Variants in MALRD1 observed in about 807,000 individuals in gnomAD.
The protein encoded by MALRD1 is MAM and LDL-receptor class A domain-containing protein 1.
MALRD1 carries 247 observed loss-of-function variants against 242.1 expected under a neutral mutation model. That is an observed-to-expected ratio of 1.02 (90% confidence interval 0.92 to 1.13). The LOEUF (loss-of-function observed/expected upper bound fraction) is 1.13. Ranked by LOEUF, MALRD1 falls within the 50% of genes most tolerant of loss-of-function variation. MALRD1 has a pLI of 0.00. For missense variants in MALRD1, 2,989 were observed against 2,533.1 expected (o/e 1.18, Z -3.86); for synonymous variants, 995 against 866.6 (o/e 1.15, Z -2.60).
intron 21 of MALRD1, among the ~76,000 whole-genome samples, chr10:19,292,080 CAAAAAAAAAA>C (rs756211363): frequency 2.5e-4 from 22 of 88,014 alleles, no homozygotes; most frequent in Admixed American, 8.2e-4. Flanking sequence ...AAGACCGTCT[CAAAAAAAAAA>C]AAAAAAAAAA....
intron 5 of MALRD1, among the ~76,000 whole-genome samples, chr10:19,119,440 G>A (rs1306441028): frequency 6.6e-6 from 1 of 152,162 alleles, no homozygotes; most frequent in Admixed American, 6.5e-5. Context: ...AGGGATCAGA[G>A]TTTTTAAGGA....
chr10:19,297,017 C>T (rs940822351), intron 21 of MALRD1, among the ~76,000 whole-genome samples: 1 of 151,202 alleles, frequency 6.6e-6, no homozygotes, highest in Non-Finnish European at 1.5e-5. Flanking sequence ...TCTATAATGC[C>T]TTTTGTGATC....
intron 36 of MALRD1, among the ~76,000 whole-genome samples, chr10:19,647,077 A>T (rs766292438): frequency 2.0e-5 from 3 of 152,198 alleles, no homozygotes; most frequent in Non-Finnish European, 4.4e-5. Flanking sequence ...TGTTTCAACA[A>T]CAGAGCCCTA....
intron 26 of MALRD1, among the ~76,000 whole-genome samples, chr10:19,382,526 C>T (rs775659259): frequency 1.3e-5 from 2 of 151,694 alleles, no homozygotes; most frequent in Non-Finnish European, 2.9e-5. Context: ...ATTTTAGTAA[C>T]TCTGTGATTT....
intron 18 of MALRD1, among the ~76,000 whole-genome samples, chr10:19,228,117 A>G (rs1588728357): frequency 6.6e-6 from 1 of 152,084 alleles, no homozygotes; most frequent in East Asian, 1.9e-4. Context: ...GAATAATTAA[A>G]AACATATCCG....
At chr10:19,204,524 C>T in intron 16 of MALRD1, 111 bp downstream of exon 16, 1 of 700,146 alleles carries the variant, frequency 1.4e-6, no homozygotes, top group Non-Finnish European at 2.3e-6. Flanking sequence ...GCTGGTTTTA[C>T]TCTAAAAATA....
intron 19 of MALRD1, among the ~76,000 whole-genome samples, chr10:19,260,765 G>T (rs1289603538): frequency 6.6e-6 from 1 of 152,126 alleles, no homozygotes; most frequent in African/African-American, 2.4e-5. Context: ...TTTTATGGAG[G>T]AAATTGAAAA....
intron 1 of MALRD1, chr10:19,052,084 C>G (rs1036699171): frequency 6.9e-6 from 3 of 433,454 alleles, no homozygotes; most frequent in Non-Finnish European, 1.3e-5. Flanking sequence ...GATTCAAGAG[C>G]CATGTCAGGG....
chr10:19,087,497 G>C (rs188670564), intron 2 of MALRD1, among the ~76,000 whole-genome samples: 1 of 150,736 alleles, frequency 6.6e-6, no homozygotes, highest in South Asian at 2.1e-4. Context: ...ATCACTTGGC[G>C]CCTTAAATTC....
chr10:19,649,456 A>G (rs1224535315), intron 36 of MALRD1, among the ~76,000 whole-genome samples: 1 of 152,046 alleles, frequency 6.6e-6, no homozygotes, highest in Non-Finnish European at 1.5e-5. Context: ...GGTATCTCAT[A>G]TGGTTTTGAT....
At chr10:19,300,443 A>G (rs1010986691) in intron 21 of MALRD1, among the ~76,000 whole-genome samples, 4 of 151,962 alleles carry the variant, frequency 2.6e-5, no homozygotes, top group Non-Finnish European at 4.4e-5. Flanking sequence ...GAGAAATCAT[A>G]CTACCCAATA....
intron 36 of MALRD1, among the ~76,000 whole-genome samples, chr10:19,656,853 C>T (rs1841177624): frequency 6.6e-6 from 1 of 152,140 alleles, no homozygotes; most frequent in Admixed American, 6.6e-5. Context: ...CACACAGTGT[C>T]ATTTGCTGTA....
intron 1 of MALRD1, among the ~76,000 whole-genome samples, chr10:19,050,135 T>G (rs112060266): frequency 7.1e-6 from 1 of 141,770 alleles, no homozygotes; most frequent in East Asian, 2.1e-4. Context: ...TCGCCCAGGC[T>G]GGAGTGCAGT....
At chr10:19,577,565 A>G (rs528348718) in intron 33 of MALRD1, among the ~76,000 whole-genome samples, 7 of 152,100 alleles carry the variant, frequency 4.6e-5, no homozygotes, top group Non-Finnish European at 8.8e-5. Flanking sequence ...CCAAATGACA[A>G]CCATGGAAAA....
At chr10:19,270,143 G>A (rs913211101) in intron 19 of MALRD1, among the ~76,000 whole-genome samples, 1 of 151,984 alleles carries the variant, frequency 6.6e-6, no homozygotes. Flanking sequence ...GGTGAAACCC[G>A]GTCTCTACTG....
intron 31 of MALRD1, among the ~76,000 whole-genome samples, chr10:19,504,599 A>G (rs2131267201): frequency 6.6e-6 from 1 of 151,558 alleles, no homozygotes; most frequent in African/African-American, 2.4e-5. Context: ...ACATACTTGC[A>G]CACACACTCA....
chr10:19,244,919 C>T (rs1418559729), intron 18 of MALRD1, among the ~76,000 whole-genome samples: 1 of 152,096 alleles, frequency 6.6e-6, no homozygotes, highest in African/African-American at 2.4e-5. Flanking sequence ...CTGCACCTCC[C>T]GTAGGTGGCC....
At chr10:19,712,161 T>C (rs1383623257) in intron 38 of MALRD1, among the ~76,000 whole-genome samples, 1 of 152,128 alleles carries the variant, frequency 6.6e-6, no homozygotes, top group East Asian at 1.9e-4. Flanking sequence ...AACACTTGGG[T>C]CAGCTTCAGA....
intron 13 of MALRD1, among the ~76,000 whole-genome samples, chr10:19,168,792 T>G (rs1834802879): frequency 6.6e-6 from 1 of 152,148 alleles, no homozygotes; most frequent in African/African-American, 2.4e-5. Flanking sequence ...GCTCAGCACC[T>G]TGTGTTGCTT....
Sources: allele counts gnomAD v4.1 joint callset (sites outside exome capture counted in the v4.1 genomes callset), GRCh38; gene constraint gnomAD v4.1.1; transcripts MANE v1.5; gene names NCBI Gene and HGNC (gene_info 2026-07-23, HGNC 2026-07-21).